The following CDK6 variants were observed in gnomAD, a reference collection of about 807,000 sequenced individuals.
CDK6 encodes cyclin-dependent kinase 6.
CDK6 carries 6 observed loss-of-function variants against 37.1 expected under a neutral mutation model. The observed-to-expected ratio is 0.16, with a 90% CI of 0.09 to 0.32. The LOEUF is 0.32. Ranked by LOEUF, CDK6 falls within the 10% of genes least tolerant of loss-of-function variation. CDK6 has a pLI of 1.00. For synonymous variants in CDK6, 160 were observed against 161.3 expected (o/e 0.99, Z 0.06); for missense variants, 224 against 418.9 (o/e 0.53, Z 4.06).
At chr7:92,782,694 A>G (rs911600036) in intron 2 of CDK6, among the ~76,000 whole-genome samples, 83 of 152,062 alleles carry the variant, frequency 5.5e-4, no homozygotes, top group African/African-American at 1.9e-3. Context: ...CATTATTTCC[A>G]CACCTGGGCC....
chr7:92,625,303 T>C (rs1453067414), intron 5 of CDK6, among the ~76,000 whole-genome samples: 1 of 151,580 alleles, frequency 6.6e-6, no homozygotes, highest in African/African-American at 2.4e-5. Context: ...TCATGTAAAG[T>C]ATTTCACACA....
intron 2 of CDK6, among the ~76,000 whole-genome samples, chr7:92,820,177 A>G (rs1183922719): frequency 1.3e-5 from 2 of 152,122 alleles, no homozygotes; most frequent in Admixed American, 6.6e-5. Context: ...AAAATGATAC[A>G]AGAAAGTCAT....
chr7:92,795,458 A>T (rs1385108230), intron 2 of CDK6, among the ~76,000 whole-genome samples: 2 of 152,192 alleles, frequency 1.3e-5, no homozygotes, highest in Non-Finnish European at 2.9e-5. Context: ...AAGTATACTC[A>T]GACCAAAACT....
At chr7:92,722,852 GATAA>G (rs1254499403) in intron 4 of CDK6, among the ~76,000 whole-genome samples, 1 of 152,158 alleles carries the variant, frequency 6.6e-6, no homozygotes, top group Non-Finnish European at 1.5e-5. Context: ...CTTATGGCCT[GATAA>G]ATAAAATTCC....
chr7:92,789,032 A>G (rs1800216270), intron 2 of CDK6, among the ~76,000 whole-genome samples: 1 of 152,140 alleles, frequency 6.6e-6, no homozygotes, highest in Non-Finnish European at 1.5e-5. Context: ...AGGCTGAGAC[A>G]GAAAGATCAT....
chr7:92,671,944 G>T (rs994090439), intron 4 of CDK6, among the ~76,000 whole-genome samples: 2 of 151,210 alleles, frequency 1.3e-5, no homozygotes, highest in Non-Finnish European at 2.9e-5. Context: ...AGAAGATGAT[G>T]GCATACAGAG....
chr7:92,728,586 T>C (rs980642367), intron 3 of CDK6, among the ~76,000 whole-genome samples: 1 of 152,192 alleles, frequency 6.6e-6, no homozygotes. Flanking sequence ...GTCTAGTTCT[T>C]GTTTGTTTAA....
intron 4 of CDK6, among the ~76,000 whole-genome samples, chr7:92,695,200 C>A: frequency 6.6e-6 from 1 of 150,428 alleles, no homozygotes. Context: ...AAATATGATC[C>A]TAGGACTAAG....
At chr7:92,638,122 C>T (rs1341838318) in intron 5 of CDK6, among the ~76,000 whole-genome samples, 1 of 151,858 alleles carries the variant, frequency 6.6e-6, no homozygotes, top group African/African-American at 2.4e-5. Context: ...GTTTTGCATG[C>T]TAAAAAATTT....
chr7:92,703,997 CA>C (rs1797912002), intron 4 of CDK6, among the ~76,000 whole-genome samples: 1 of 152,134 alleles, frequency 6.6e-6, no homozygotes, highest in Non-Finnish European at 1.5e-5. Flanking sequence ...TTTCCTTGGA[CA>C]GACCAAACTC....
intron 3 of CDK6, among the ~76,000 whole-genome samples, chr7:92,748,698 A>G (rs1231645883): frequency 6.6e-6 from 1 of 152,176 alleles, no homozygotes; most frequent in Non-Finnish European, 1.5e-5. Flanking sequence ...AATAAAATGA[A>G]ATAAGCAGAT....
intron 2 of CDK6, among the ~76,000 whole-genome samples, chr7:92,814,883 C>T (rs1364076436): frequency 6.6e-6 from 1 of 151,828 alleles, no homozygotes; most frequent in Non-Finnish European, 1.5e-5. Context: ...TGTACCCCTT[C>T]ATTTCAAAAT....
rs1451127109 is a variant in CDK6, at chr7:92,613,395, T to G, written c.*1745A>C. ...TGCATGATCTAACTGTTGCATGCAC[T>G]CTGAGTCAGAAAGCACAGGTGGCTA... On this transcript the variant is annotated 3_prime_UTR_variant, in exon 8 of 8. Transcript: ENST00000424848. The G allele has an allele frequency of 2.1e-5, 5 of 233,620 alleles. No homozygotes were observed. Among genetic ancestry groups the G allele is most frequent in the African/African-American group, 1.1e-4 (5 of 45,356 alleles). The allele number at this position is 233,620 out of a possible 1,614,324, so 14.5% of individuals were successfully genotyped here.
At chr7:92,738,901 T>C (rs1440238064) in intron 3 of CDK6, among the ~76,000 whole-genome samples, 1 of 152,174 alleles carries the variant, frequency 6.6e-6, no homozygotes, top group Non-Finnish European at 1.5e-5. Context: ...AGTCAGCTTT[T>C]GGTATTATTC....
intron 2 of CDK6, among the ~76,000 whole-genome samples, chr7:92,783,826 G>A (rs148627709): frequency 1.8e-3 from 277 of 152,294 alleles, no homozygotes; most frequent in South Asian, 0.014. Context: ...CCTGAAACAA[G>A]CTATTTAGGA....
rs918041072 is a variant in CDK6 at position 92,835,475 on chromosome 7, C to CT, written c.-368+1002dup. Reference sequence around the variant, plus strand: ...ATGCCTTTTCCCCCCCTCTCCTCCACTTTTTTTTGTTGTTGTTGTTGCTTT... The same window carrying CT: ...ATGCCTTTTCCCCCCCTCTCCTCCACTTTTTTTTTGTTGTTGTTGTTGCTTT... On this transcript the variant is annotated intron_variant, in intron 1 of 7. Transcript: ENST00000424848. The surrounding 1 kb of genome is among the most constrained non-coding windows in gnomAD (Gnocchi z 4.2). Among the ~76,000 whole-genome samples, 1 of 152,140 alleles carries CT rather than the reference C, an allele frequency of 6.6e-6. No homozygotes were observed.
chr7:92,633,041 A>ATTTTTC (rs2116516724), intron 5 of CDK6, among the ~76,000 whole-genome samples: 1 of 151,926 alleles, frequency 6.6e-6, no homozygotes, highest in South Asian at 2.1e-4. Flanking sequence ...ACAGGGTGAC[A>ATTTTTC]AGAAAGTGCA....
chr7:92,706,216 T>C (rs963133747), intron 4 of CDK6, among the ~76,000 whole-genome samples: 2 of 152,208 alleles, frequency 1.3e-5, no homozygotes, highest in Non-Finnish European at 2.9e-5. Context: ...GAATACAAAA[T>C]GGCTCAGTAC....
intron 4 of CDK6, 127 bp from the exon 5 acceptor site, chr7:92,671,662 T>G (rs1215479396): frequency 2.2e-6 from 1 of 454,784 alleles, no homozygotes; most frequent in Non-Finnish European, 3.9e-6. Flanking sequence ...ATAAGGACAC[T>G]GCGCTAGAAG....
Sources: allele counts gnomAD v4.1 joint callset (sites outside exome capture counted in the v4.1 genomes callset), GRCh38; gene constraint gnomAD v4.1.1; non-coding constraint Gnocchi (gnomAD v3.1); transcripts MANE v1.5; gene names NCBI Gene and HGNC (gene_info 2026-07-23, HGNC 2026-07-21).